Variants in CPED1 observed in about 807,000 individuals in gnomAD.
The protein encoded by CPED1 is cadherin like and PC-esterase domain containing 1.
In CPED1, 114 loss-of-function variants were observed where a neutral mutation model predicts 128.2. That is an observed-to-expected ratio of 0.89 (90% CI 0.76 to 1.04). The LOEUF (loss-of-function observed/expected upper bound fraction) is 1.04, where lower values mean the gene tolerates loss of function less well. Among genes scored for constraint, CPED1 ranks in the 50% least tolerant of loss-of-function variants. The pLI, the probability that CPED1 is intolerant of heterozygous loss-of-function variation, is 0.00. For synonymous variants in CPED1, 462 were observed against 426.7 expected (o/e 1.08, Z -1.02); for missense variants, 1,211 against 1,207.1 (o/e 1.00, Z -0.05).
At chr7:121,222,826 A>T (rs564461435) in intron 16 of CPED1, among the ~76,000 whole-genome samples, 20 of 152,318 alleles carry the variant, frequency 1.3e-4, no homozygotes, top group Non-Finnish European at 2.4e-4. Flanking sequence ...GACTTTGCTG[A>T]AGTTGCTTAT....
At chr7:120,995,968 TCCTTC>T (rs1796396118) in intron 2 of CPED1, among the ~76,000 whole-genome samples, 1 of 110,380 alleles carries the variant, frequency 9.1e-6, no homozygotes, top group Non-Finnish European at 1.8e-5. Flanking sequence ...CTCCTCCTCC[TCCTTC>T]TTCTTCTTCT....
At chr7:121,160,739 A>G (rs1584558303) in intron 16 of CPED1, among the ~76,000 whole-genome samples, 1 of 152,272 alleles carries the variant, frequency 6.6e-6, no homozygotes, top group Non-Finnish European at 1.5e-5. Flanking sequence ...CCCAGGCCAC[A>G]GTCCCCAGAG....
chr7:121,239,591 C>A (rs973333752), intron 17 of CPED1, among the ~76,000 whole-genome samples: 1 of 152,054 alleles, frequency 6.6e-6, no homozygotes, highest in Non-Finnish European at 1.5e-5. Context: ...ACAACTTATA[C>A]TTTAACACTA....
chr7:121,087,659 T>C (rs1794460113), intron 5 of CPED1, among the ~76,000 whole-genome samples: 1 of 91,432 alleles, frequency 1.1e-5, no homozygotes, highest in Non-Finnish European at 2.2e-5. Flanking sequence ...CTTTTTCTTT[T>C]CTTTCCTGTT....
At chr7:121,021,004 A>G (rs1359131862) in intron 3 of CPED1, among the ~76,000 whole-genome samples, 2 of 151,980 alleles carry the variant, frequency 1.3e-5, no homozygotes, top group African/African-American at 4.8e-5. Flanking sequence ...ACAGCATGAT[A>G]TAGCAAAGAC....
chr7:121,238,756 T>A (rs1264958706), intron 17 of CPED1, among the ~76,000 whole-genome samples: 2 of 132,210 alleles, frequency 1.5e-5, no homozygotes, highest in East Asian at 2.0e-4. Flanking sequence ...GAATATATAT[T>A]ATATATATAT....
intron 21 of CPED1, among the ~76,000 whole-genome samples, chr7:121,267,652 C>A (rs1792155460): frequency 6.6e-6 from 1 of 151,884 alleles, no homozygotes; most frequent in South Asian, 2.1e-4. Context: ...GGATATTCAT[C>A]AATGAAAACA....
intron 18 of CPED1, among the ~76,000 whole-genome samples, chr7:121,253,634 C>T (rs147529964): frequency 1.5e-3 from 234 of 151,996 alleles, no homozygotes; most frequent in African/African-American, 5.5e-3. Context: ...CACAGAGTAG[C>T]AATCTGGGTA....
At chr7:120,997,232 T>C (rs938472230) in intron 2 of CPED1, among the ~76,000 whole-genome samples, 11 of 152,262 alleles carry the variant, frequency 7.2e-5, no homozygotes, top group African/African-American at 2.4e-4. Flanking sequence ...TTATGTTTCA[T>C]TGTAACTATT....
intron 5 of CPED1, among the ~76,000 whole-genome samples, chr7:121,092,093 C>A (rs1794584840): frequency 6.6e-6 from 1 of 152,072 alleles, no homozygotes; most frequent in African/African-American, 2.4e-5. Context: ...TTGTGGGTTC[C>A]AGGGGGCTTT....
chr7:121,244,426 C>T (rs1798477227), intron 18 of CPED1, 88 bp downstream of exon 18: 9 of 1,398,348 alleles, frequency 6.4e-6, no homozygotes, highest in Non-Finnish European at 9.0e-6. Flanking sequence ...AGACCAATTC[C>T]TGCTGTCTCA....
In CPED1 at chr7:121,097,721, C is replaced by T. The variant is rs767193185; in HGVS notation, c.639C>T (p.Pro213=). 6 of 1,613,800 alleles carry T rather than the reference C, an allele frequency of 3.7e-6. No homozygotes were observed. The highest frequency in any genetic ancestry group is 5.1e-6 in the Non-Finnish European group (6 of 1,179,782). ...CAGAACTGCAACTTCCAGTGAGTCC[C>T]TCTGTGTGTCTGGATCAGGGAATGC... is the stretch of plus-strand genomic sequence containing the variant. ...RFPELQLPVS[P]SVCLDQGMQL... The change falls in exon 6 of 23, where the codon CCC becomes CCT. Residue 213 remains proline, a synonymous_variant. Transcript: ENST00000310396.
At chr7:121,099,828 A>C in intron 6 of CPED1, 98 bp from the exon 7 acceptor site, 1 of 1,291,406 alleles carries the variant, frequency 7.7e-7, no homozygotes, top group Non-Finnish European at 1.1e-6. Context: ...GGCGTCCTAC[A>C]AAGGATAGAA....
At chr7:121,011,956 C>T (rs1180274562) in intron 2 of CPED1, among the ~76,000 whole-genome samples, 2 of 152,158 alleles carry the variant, frequency 1.3e-5, no homozygotes, top group Admixed American at 6.6e-5. Flanking sequence ...TGAGACACCA[C>T]GTTGGACCCT....
At chr7:121,053,854 G>A (rs1053098242) in intron 4 of CPED1, among the ~76,000 whole-genome samples, 1 of 152,138 alleles carries the variant, frequency 6.6e-6, no homozygotes, top group Non-Finnish European at 1.5e-5. Context: ...TTATAAATCA[G>A]TACTATTGTT....
intron 6 of CPED1, among the ~76,000 whole-genome samples, chr7:121,098,333 C>A (rs1794751719): frequency 6.6e-6 from 1 of 152,034 alleles, no homozygotes. Context: ...ACCCAAGACA[C>A]AAATAAGTTT....
At chr7:121,255,799 C>G (rs965263571) in intron 18 of CPED1, among the ~76,000 whole-genome samples, 3 of 151,896 alleles carry the variant, frequency 2.0e-5, no homozygotes, top group African/African-American at 7.3e-5. Context: ...AGAACACAAT[C>G]CCATTTACAA....
Position 120,989,573 on chromosome 7 carries a change from A to G in CPED1, c.-49A>G, listed in dbSNP as rs1796274350. On this transcript the variant is annotated 5_prime_UTR_variant, in exon 2 of 23. An upstream start codon of the reference 5' UTR is lost. Coordinates refer to ENST00000310396, the MANE Select transcript of CPED1 (RefSeq NM_024913.5). ...TTCATGCTGACAAAAAATAGCTGCT[A>G]TGACTTTTCCCGCAACGTGGACAGG... is the stretch of plus-strand genomic sequence containing the variant. The G allele has an allele frequency of 1.9e-6, 3 of 1,600,008 alleles. No homozygotes were observed. The highest frequency in any genetic ancestry group is 1.7e-6 in the Non-Finnish European group (2 of 1,173,600).
chr7:121,213,002 T>C (rs1023748297), intron 16 of CPED1, among the ~76,000 whole-genome samples: 9 of 151,934 alleles, frequency 5.9e-5, no homozygotes, highest in Non-Finnish European at 1.2e-4. Flanking sequence ...TTTGGCCTGA[T>C]TTATGTACAT....
Sources: allele counts gnomAD v4.1 joint callset (sites outside exome capture counted in the v4.1 genomes callset), GRCh38; gene constraint gnomAD v4.1.1; transcripts MANE v1.5; gene names NCBI Gene and HGNC (gene_info 2026-07-23, HGNC 2026-07-21).